DOCK1: variants seen among roughly 807,000 people sequenced by gnomAD.
DOCK1 encodes dedicator of cytokinesis 1.
A neutral mutation model predicts 262.7 loss-of-function variants in DOCK1; 138 were observed. The ratio of observed to expected loss-of-function variants is 0.53; its 90% CI spans 0.46 to 0.61. The LOEUF (loss-of-function observed/expected upper bound fraction) is 0.61. Ranked by LOEUF, DOCK1 falls within the 20% of genes least tolerant of loss-of-function variation. The pLI is 0.00. For missense variants in DOCK1, 1,908 were observed against 2,370.7 expected, an observed-to-expected ratio of 0.80 and a Z score of 4.05; for synonymous variants, 866 against 867.4, an observed-to-expected ratio of 1.00 and a Z score of 0.03.
chr10:127,329,004 C>T (rs2062860548), intron 29 of DOCK1, among the ~76,000 whole-genome samples: 1 of 151,642 alleles, frequency 6.6e-6, no homozygotes, highest in South Asian at 2.1e-4. Flanking sequence ...ACAAAGTTTG[C>T]CATTTAACCG....
intron 1 of DOCK1, among the ~76,000 whole-genome samples, chr10:126,909,361 T>G (rs1398774850): frequency 6.6e-6 from 1 of 152,164 alleles, no homozygotes; most frequent in African/African-American, 2.4e-5. Context: ...AACACCTTGA[T>G]TTTGAGACCC....
At chr10:126,944,822 A>G (rs2035273580) in intron 1 of DOCK1, among the ~76,000 whole-genome samples, 1 of 152,038 alleles carries the variant, frequency 6.6e-6, no homozygotes, top group Admixed American at 6.6e-5. Context: ...AGATCACACC[A>G]AAACCTAGGA....
At chr10:127,294,204 T>G (rs1007771030) in intron 29 of DOCK1, among the ~76,000 whole-genome samples, 1 of 152,246 alleles carries the variant, frequency 6.6e-6, no homozygotes, top group Non-Finnish European at 1.5e-5. Context: ...ATACTTATAA[T>G]GCAATAGAAC....
chr10:127,012,435 T>G lies in DOCK1; in HGVS notation c.1201+61T>G. On this transcript the variant is annotated intron_variant, in intron 12 of 51. Transcript: ENST00000623213. The surrounding 1 kb of genome is among the most constrained non-coding windows in gnomAD (Gnocchi z 4.0). ...ATTTGCATGCGTTGGGGCAGTGCTG[T>G]CTGGGTTGGTTTTAGTTTGATGTTG... 1.3e-6 allele frequency: 2 copies of G among 1,530,082 alleles called. No homozygotes were observed. The highest frequency in any genetic ancestry group is 1.8e-6 in the Non-Finnish European group (2 of 1,110,036). The allele number at this position is 1,530,082 out of a possible 1,614,324, so 94.8% of individuals were successfully genotyped here.
intron 38 of DOCK1, among the ~76,000 whole-genome samples, chr10:127,385,682 G>C (rs373137261): frequency 2.6e-5 from 4 of 152,242 alleles, no homozygotes; most frequent in Non-Finnish European, 4.4e-5. Context: ...GCTGGGAGCT[G>C]CAAGCCTGAT....
chr10:127,218,885 C>A (rs558721968), intron 27 of DOCK1, among the ~76,000 whole-genome samples: 1 of 152,288 alleles, frequency 6.6e-6, no homozygotes, highest in South Asian at 2.1e-4. Context: ...CTCTCTACTT[C>A]CAAGATGGCG....
Position 127,446,841 on chromosome 10 carries a change from G to C in DOCK1, c.5414-553G>C, listed in dbSNP as rs1233931107. On this transcript the variant is annotated intron_variant, in intron 50 of 51. Coordinates refer to ENST00000623213, the MANE Select transcript of DOCK1 (RefSeq NM_001290223.2). The surrounding 1 kb of genome is among the most constrained non-coding windows in gnomAD (Gnocchi z 4.4). ...TGTACTTCCCCTTGGCTTATTTAAA[G>C]CAACAGCCACAGTGACTGCTATGGC... 6.6e-6 allele frequency among the ~76,000 whole-genome samples: 1 copy of C among 152,124 alleles called. No homozygotes were observed. The highest frequency in any genetic ancestry group is 6.5e-5 in the Admixed American group (1 of 15,278).
chr10:127,059,346 C>G (rs751916542), intron 22 of DOCK1, among the ~76,000 whole-genome samples: 9 of 152,012 alleles, frequency 5.9e-5, no homozygotes, highest in African/African-American at 2.2e-4. Context: ...TATCTTTGAT[C>G]AGTTTTGGAA....
chr10:127,109,865 C>A (rs562287984), intron 24 of DOCK1, among the ~76,000 whole-genome samples: 1 of 151,630 alleles, frequency 6.6e-6, no homozygotes, highest in Non-Finnish European at 1.5e-5. Flanking sequence ...CATTTTTTCT[C>A]GGGGAGGTGG....
chr10:127,320,958 G>C (rs1479824524), intron 29 of DOCK1, among the ~76,000 whole-genome samples: 1 of 151,530 alleles, frequency 6.6e-6, no homozygotes, highest in African/African-American at 2.4e-5. Context: ...AGACCACACA[G>C]AGTGGTCCCC....
chr10:126,986,506 A>G (rs376118353), intron 4 of DOCK1, among the ~76,000 whole-genome samples: 1 of 152,200 alleles, frequency 6.6e-6, no homozygotes, highest in East Asian at 1.9e-4. Flanking sequence ...TCTCCCCCTA[A>G]CCCTCAGTAG....
chr10:127,033,317 T>C (rs186836685), intron 18 of DOCK1, among the ~76,000 whole-genome samples: 1 of 152,342 alleles, frequency 6.6e-6, no homozygotes, highest in African/African-American at 2.4e-5. Context: ...CATCAGCTGG[T>C]GCCGTGCCCT....
intron 33 of DOCK1, among the ~76,000 whole-genome samples, chr10:127,369,037 A>G (rs1195276262): frequency 6.6e-6 from 1 of 152,132 alleles, no homozygotes; most frequent in Non-Finnish European, 1.5e-5. Context: ...AGAAATTCCC[A>G]TTTAGTTGTA....
chr10:127,406,300 C>T (rs1222745771), intron 40 of DOCK1, among the ~76,000 whole-genome samples: 1 of 152,144 alleles, frequency 6.6e-6, no homozygotes, highest in African/African-American at 2.4e-5. Flanking sequence ...CGTTGCAGCT[C>T]CCGAGCCAAT....
At chr10:127,093,278 C>T (rs1221586864) in intron 23 of DOCK1, among the ~76,000 whole-genome samples, 1 of 86,440 alleles carries the variant, frequency 1.2e-5, no homozygotes, top group Non-Finnish European at 2.1e-5. Context: ...CAGGGTCTCG[C>T]TCTGTCATCC....
chr10:127,203,899 A>AT (rs112984062), intron 27 of DOCK1, among the ~76,000 whole-genome samples: 5,808 of 144,768 alleles, frequency 0.04, 190 homozygotes, highest in African/African-American at 0.081. Context: ...CACAATTTTG[A>AT]TTTTTTTTTT....
chr10:127,407,383 C>T (rs923717996), intron 40 of DOCK1, among the ~76,000 whole-genome samples: 3 of 152,112 alleles, frequency 2.0e-5, no homozygotes, highest in Admixed American at 1.3e-4. Flanking sequence ...GCAGGCAGCT[C>T]TCTGGGGCCT....
chr10:127,381,574 A>T (rs911948151), intron 37 of DOCK1, among the ~76,000 whole-genome samples: 1 of 152,220 alleles, frequency 6.6e-6, no homozygotes, highest in Non-Finnish European at 1.5e-5. Flanking sequence ...ATTTAATTAG[A>T]TGTCATAGCA....
intron 26 of DOCK1, 96 bp downstream of exon 26, chr10:127,125,697 G>A: frequency 6.7e-7 from 1 of 1,497,822 alleles, no homozygotes; most frequent in Non-Finnish European, 8.9e-7. Flanking sequence ...GAAAGGTCTT[G>A]ATTTTAAGGT....
Sources: gnomAD v4.1 joint callset for allele counts (sites outside exome capture counted in the v4.1 genomes callset) on GRCh38, gnomAD v4.1.1 for gene constraint, Gnocchi (gnomAD v3.1) non-coding constraint, MANE v1.5 for transcripts, NCBI Gene and HGNC (gene_info 2026-07-23, HGNC 2026-07-21) for gene names.